CHM: variants seen among roughly 807,000 people sequenced by gnomAD.
CHM encodes the protein CHM Rab escort protein.
In CHM, 10 loss-of-function variants were observed where a neutral mutation model predicts 49.0. The ratio of observed to expected loss-of-function variants is 0.20; its 90% CI spans 0.13 to 0.35. The LOEUF is 0.35. Among genes scored for constraint, CHM ranks in the 10% least tolerant of loss-of-function variants. CHM has a pLI of 1.00. For missense variants in CHM, 455 were observed against 478.4 expected, an observed-to-expected ratio of 0.95 and a Z score of 0.46; for synonymous variants, 184 against 167.5, an observed-to-expected ratio of 1.10 and a Z score of -0.76.
At chrX:86,044,033 G>C (rs759628243) in intron 1 of CHM, among the ~76,000 whole-genome samples, 2 of 112,031 alleles carry the variant, frequency 1.8e-5, no homozygotes, top group South Asian at 7.5e-4. Flanking sequence ...AAAAAATGCA[G>C]GCTGAATGTC....
intron 8 of CHM, among the ~76,000 whole-genome samples, chrX:85,946,686 G>T: frequency 8.9e-6 from 1 of 112,150 alleles, no homozygotes; most frequent in Middle Eastern, 4.7e-3. Context: ...ACCTGTATTA[G>T]GACAGTACAT....
At chrX:85,913,242 G>T (rs1376291565) in intron 8 of CHM, among the ~76,000 whole-genome samples, 1 of 96,019 alleles carries the variant, frequency 1.0e-5, no homozygotes, top group African/African-American at 3.9e-5. Flanking sequence ...CTTGAACCTG[G>T]AAGGCGGAGG....
chrX:85,976,439 G>A (rs896800298), intron 4 of CHM, among the ~76,000 whole-genome samples: 27 of 111,074 alleles, frequency 2.4e-4, no homozygotes, highest in Admixed American at 8.6e-4. Context: ...TGCCTAACAC[G>A]GTGAAACCCT....
At chrX:85,982,813 C>T (rs1054248486) in intron 2 of CHM, among the ~76,000 whole-genome samples, 3 of 110,879 alleles carry the variant, frequency 2.7e-5, no homozygotes, top group African/African-American at 9.9e-5. Flanking sequence ...AACAATTAAA[C>T]AAAAAATAAA....
chrX:86,016,361 T>A (rs929455463), intron 2 of CHM, among the ~76,000 whole-genome samples: 1 of 111,426 alleles, frequency 9.0e-6, no homozygotes, highest in African/African-American at 3.3e-5. Flanking sequence ...ATGTAGGAAG[T>A]CTTCACAGCA....
intron 2 of CHM, among the ~76,000 whole-genome samples, chrX:86,026,102 CTTTTTTTTTTTTTTTTTT>C (rs1167691945): frequency 0.013 from 351 of 26,740 alleles, 6 homozygotes; most frequent in Middle Eastern, 0.034. Flanking sequence ...AGCAGATTTT[CTTTTTTTTTTTTTTTTTT>C]TTTTTTTTTT....
chrX:86,007,389 C>A (rs1014097635), intron 2 of CHM, among the ~76,000 whole-genome samples: 4 of 111,707 alleles, frequency 3.6e-5, no homozygotes, highest in African/African-American at 1.3e-4. Flanking sequence ...GCAATGGCAA[C>A]AAAAGCCAAA....
Position 85,864,572 on chromosome X carries a change from T to C in CHM, c.*58A>G. The C allele has an allele frequency of 1.0e-6, 1 of 994,800 alleles. No homozygotes were observed. The highest frequency in any genetic ancestry group is 2.3e-5 in the Admixed American group (1 of 42,749). The allele number at this position is 994,800 out of a possible 1,213,427, so 82.0% of individuals were successfully genotyped here. The stretch of plus-strand genomic sequence containing the variant: ...TTTCTCAAACAGTCCTTCTATCAAG[T>C]AGACTCTGAGACCAGTCAGAATTTC... On this transcript the variant is annotated 3_prime_UTR_variant, in exon 15 of 15. Coordinates refer to ENST00000357749, the MANE Select transcript of CHM (RefSeq NM_000390.4).
rs1323268077 is a variant in CHM, at chrX:85,978,823, A to G, written c.258T>C (p.Ile86=). The change falls in exon 4 of 15, where the codon ATT becomes ATC. Residue 86 remains isoleucine (I), a synonymous_variant. Transcript: ENST00000357749. ...QDQILENEEA[I]ALSRKDKTIQ... is the part of the protein sequence containing the mutation. ...TAGTTTTGTCCTTCCTGCTAAGAGCAATGGCTTCTTCATTTTCAAGGATCT... is the reference window on the plus strand; with the variant it reads ...TAGTTTTGTCCTTCCTGCTAAGAGCGATGGCTTCTTCATTTTCAAGGATCT... The G allele has an allele frequency of 7.5e-6, 9 of 1,204,110 alleles. No individual in the cohort carries two copies. The highest frequency in any genetic ancestry group is 3.5e-5 in the African/African-American group (2 of 57,200).
At chrX:86,033,115 C>A (rs1934106529) in intron 1 of CHM, among the ~76,000 whole-genome samples, 1 of 111,553 alleles carries the variant, frequency 9.0e-6, no homozygotes, top group African/African-American at 3.3e-5. Context: ...AATGTCAAAT[C>A]TCATCATTTA....
chrX:85,911,151 A>ATATT (rs1926932964), intron 9 of CHM, 110 bp downstream of exon 9: 1 of 1,880 alleles, frequency 5.3e-4, no homozygotes, highest in Non-Finnish European at 1.1e-3. Context: ...ATATATATAT[A>ATATT]TATATATATA....
chrX:85,980,518 T>C (rs1373768813), intron 3 of CHM, among the ~76,000 whole-genome samples: 3 of 112,447 alleles, frequency 2.7e-5, no homozygotes, highest in South Asian at 3.7e-4. Flanking sequence ...TTAAGTCATG[T>C]ACATTGATTA....
chrX:85,885,984 G>A lies in CHM; in HGVS notation c.1511-6921C>T, dbSNP rs901161107. 2.7e-5 allele frequency among the ~76,000 whole-genome samples: 3 copies of A among 110,625 alleles called. No homozygotes were observed. In the South Asian group the frequency reaches 1.2e-3, roughly 43 times the overall value. Reference sequence around the variant, plus strand: ...TTTAAAATTTATTCTTCTTAAACACGATTTTATTGTTTGATTTCTACAAAA... The same window carrying A: ...TTTAAAATTTATTCTTCTTAAACACAATTTTATTGTTTGATTTCTACAAAA... On this transcript the variant is annotated intron_variant, in intron 12 of 14. Coordinates refer to ENST00000357749, the MANE Select transcript of CHM (RefSeq NM_000390.4).
intron 14 of CHM, among the ~76,000 whole-genome samples, chrX:85,870,350 C>T (rs1253807202): frequency 8.9e-6 from 1 of 111,746 alleles, no homozygotes; most frequent in Non-Finnish European, 1.9e-5. Context: ...ATGGCACTAC[C>T]GTATGTGAAC....
intron 8 of CHM, among the ~76,000 whole-genome samples, chrX:85,934,027 C>T (rs1928601752): frequency 1.9e-5 from 2 of 107,520 alleles, no homozygotes; most frequent in African/African-American, 3.4e-5. Context: ...GTTGCCCAGG[C>T]TGGAGTGCAG....
At chrX:85,914,884 A>T (rs1222110477) in intron 8 of CHM, among the ~76,000 whole-genome samples, 2 of 110,603 alleles carry the variant, frequency 1.8e-5, no homozygotes, top group African/African-American at 6.6e-5. Flanking sequence ...AACCAGAACA[A>T]AGTAGCAGGC....
At chrX:85,993,343 C>G (rs1932293031) in intron 2 of CHM, among the ~76,000 whole-genome samples, 2 of 111,541 alleles carry the variant, frequency 1.8e-5, no homozygotes, top group Admixed American at 1.9e-4. Flanking sequence ...AAATCTTAAA[C>G]TCATTCATCA....
intron 4 of CHM, among the ~76,000 whole-genome samples, chrX:85,975,565 A>C (rs1344170584): frequency 8.9e-6 from 1 of 112,432 alleles, no homozygotes; most frequent in East Asian, 2.8e-4. Flanking sequence ...AACATTACAT[A>C]CTATACAGTT....
At chrX:86,037,741 T>C (rs1286248584) in intron 1 of CHM, among the ~76,000 whole-genome samples, 1 of 111,455 alleles carries the variant, frequency 9.0e-6, no homozygotes, top group Non-Finnish European at 1.9e-5. Flanking sequence ...TTACAAAAAA[T>C]AGAAATAAAA....
Sources: gnomAD v4.1 joint callset for allele counts (sites outside exome capture counted in the v4.1 genomes callset) on GRCh38, gnomAD v4.1.1 for gene constraint, MANE v1.5 for transcripts, NCBI Gene and HGNC (gene_info 2026-07-23, HGNC 2026-07-21) for gene names.